Variants in RPAIN observed in about 807,000 individuals in gnomAD.
RPAIN encodes RPA interacting protein.
RPAIN carries 29 observed loss-of-function variants against 30.5 expected under a neutral mutation model. The observed-to-expected ratio is 0.95, with a 90% CI of 0.71 to 1.30. RPAIN has a LOEUF of 1.30. Ranked by LOEUF, RPAIN falls within the 50% of genes most tolerant of loss-of-function variation. RPAIN has a pLI of 0.00. For synonymous variants in RPAIN, 101 were observed against 93.5 expected (o/e 1.08, Z -0.46); for missense variants, 247 against 264.7 (o/e 0.93, Z 0.46).
chr17:5,428,328 G>A (rs1915604186), intron 6 of RPAIN, 117 bp downstream of exon 6: 1 of 1,557,222 alleles, frequency 6.4e-7, no homozygotes, highest in African/African-American at 1.4e-5. Flanking sequence ...TTTATTATCT[G>A]AGGAATTTAC....
At chr17:5,421,122 A>G (rs1162118855) in intron 1 of RPAIN, among the ~76,000 whole-genome samples, 174 bp from the exon 2 acceptor site, 2 of 152,278 alleles carry the variant, frequency 1.3e-5, no homozygotes, top group Admixed American at 1.3e-4. Context: ...TGTACAAAGC[A>G]TTGTAATTTT....
intron 6 of RPAIN, chr17:5,428,479 G>A: frequency 2.1e-6 from 3 of 1,418,352 alleles, no homozygotes; most frequent in Admixed American, 2.9e-5. Flanking sequence ...TCTTTGATCA[G>A]TAGTAGTGGT....
chr17:5,422,902 A>T, intron 3 of RPAIN, 73 bp downstream of exon 3: 1 of 1,242,970 alleles, frequency 8.0e-7, no homozygotes, highest in Non-Finnish European at 1.2e-6. Context: ...TCCAATCAGG[A>T]TTAGTTTATA....
rs1186618748 is a variant in RPAIN, at chr17:5,426,006, C to T, written c.349C>T (p.Gln117Ter). The change falls in exon 4 of 7, where the codon CAG (glutamine) becomes TAG (stop). Residue 117 changes from glutamine to a stop codon, truncating the protein, a stop_gained. Transcript: ENST00000381209. LOFTEE classifies it high-confidence loss of function. ...SIISEYEKSL[Q>*]FDEKCLSIML... ...CATCAGCGAGTATGAGAAGAGCTTG[C>T]AGTTTGATGAAAAGTGTCTCAGCAT... is the stretch of plus-strand genomic sequence containing the variant. 1.2e-6 allele frequency: 2 copies of T among 1,613,866 alleles called. No individual in the cohort carries two copies. Among genetic ancestry groups the T allele is most frequent in the Admixed American group, 3.3e-5 (2 of 59,980 alleles).
chr17:5,423,199 C>T (rs751499270), intron 3 of RPAIN: 21 of 174,394 alleles, frequency 1.2e-4, no homozygotes, highest in Non-Finnish European at 2.3e-4. Flanking sequence ...CTTCTACCAT[C>T]CTGCCTCTCT....
At chr17:5,427,901 A>T in intron 5 of RPAIN, 170 bp from the exon 6 acceptor site, 1 of 678,780 alleles carries the variant, frequency 1.5e-6, no homozygotes, top group Non-Finnish European at 2.6e-6. Flanking sequence ...AGTTAAATGG[A>T]GATGGGTTAA....
chr17:5,428,043 G>C, intron 5 of RPAIN, 28 bp from the exon 6 acceptor site: 1 of 1,612,640 alleles, frequency 6.2e-7, no homozygotes, highest in Non-Finnish European at 8.5e-7. Flanking sequence ...AAGTCACTGA[G>C]AGGAGGTTGA....
chr17:5,421,604 A>T, intron 2 of RPAIN, 138 bp downstream of exon 2: 1 of 682,738 alleles, frequency 1.5e-6, no homozygotes, highest in Non-Finnish European at 2.3e-6. Flanking sequence ...CCTTTAACCC[A>T]GGCTTTTCTA....
At chr17:5,428,465 CTCT>C (rs1445734257) in intron 6 of RPAIN, 27 of 1,431,018 alleles carry the variant, frequency 1.9e-5, no homozygotes, top group African/African-American at 4.3e-5. Context: ...TCCACACCTG[CTCT>C]TCTTTGATCA....
intron 6 of RPAIN, chr17:5,431,553 GA>G (rs34134819): frequency 0.28 from 125,996 of 454,694 alleles, 22,164 homozygotes; most frequent in East Asian, 0.8. Context: ...TCAACATTTG[GA>G]AAGGTAGACA....
rs2151660409 is a variant in RPAIN at position 5,422,762 on chromosome 17, C to T, written c.253-7C>T. On this transcript the variant is annotated splice_region_variant and splice_polypyrimidine_tract_variant and intron_variant, in intron 2 of 6. Transcript: ENST00000381209. ...CAAACTTCTGATGCCGCTCCTTTCT[C>T]TTCCAGCTGGAGGAGCTGATAGACA... The T allele has an allele frequency of 1.2e-6, 2 of 1,613,004 alleles. No homozygotes were observed. Among genetic ancestry groups the T allele is most frequent in the East Asian group, 2.2e-5 (1 of 44,844 alleles).
chr17:5,431,948 C>T (rs1046858046), intron 6 of RPAIN: 5 of 259,914 alleles, frequency 1.9e-5, no homozygotes, highest in African/African-American at 4.6e-5. Flanking sequence ...TCAAGGTCAT[C>T]GCCAAGGTCT....
chr17:5,431,119 T>C, intron 6 of RPAIN: 1 of 308,960 alleles, frequency 3.2e-6, no homozygotes, highest in Non-Finnish European at 6.2e-6. Context: ...GAGATCATAG[T>C]TGACAGTGCC....
At position 5,429,346 on chromosome 17, in the gene RPAIN, AGAG is replaced by A. The variant is rs572901983; in HGVS notation, c.630+1136_630+1138del. On this transcript the variant is annotated intron_variant, in intron 6 of 6. Coordinates refer to ENST00000381209, the MANE Select transcript of RPAIN (RefSeq NM_001033002.4). ...AGATCCCCACATAGAAGAACAAGGC[AGAG>A]AAGCAGGAAACTGGAGTATATACAA... 47 of 985,534 alleles carry A rather than the reference AGAG, an allele frequency of 4.8e-5. No homozygotes were observed. The African/African-American group carries it at 7.8e-4, about 16-fold the overall frequency. The allele number at this position is 985,534 out of a possible 1,614,324, so 61.0% of individuals were successfully genotyped here. A position where few individuals can be genotyped will look rare whatever the true frequency, so the allele number is the denominator to read the frequency against.
intron 3 of RPAIN, chr17:5,425,312 C>T (rs990221484): frequency 2.4e-5 from 11 of 455,414 alleles, no homozygotes; most frequent in African/African-American, 1.2e-4. Context: ...TCAGCAGGGT[C>T]GTCCTGGCAT....
Position 5,426,316 on chromosome 17 carries a change from C to T in RPAIN, c.489+17C>T. On this transcript the variant is annotated intron_variant, in intron 5 of 6. Coordinates refer to ENST00000381209, the MANE Select transcript of RPAIN (RefSeq NM_001033002.4). The stretch of plus-strand genomic sequence containing the variant: ...CCATCTCATGTGAGTGTTCCACACA[C>T]AGATTTCATGATACTTCTTCCCACA... 6.2e-7 allele frequency: 1 copy of T among 1,604,924 alleles called. No individual in the cohort carries two copies. The highest frequency in any genetic ancestry group is 8.5e-7 in the Non-Finnish European group (1 of 1,171,496).
chr17:5,424,547 A>G (rs937579819), intron 3 of RPAIN, among the ~76,000 whole-genome samples: 3 of 152,208 alleles, frequency 2.0e-5, no homozygotes, highest in South Asian at 2.1e-4. Flanking sequence ...AGAGCTTTCA[A>G]TAATCAACAG....
chr17:5,426,511 T>C (rs1042889230), intron 5 of RPAIN: 4 of 542,920 alleles, frequency 7.4e-6, no homozygotes, highest in Non-Finnish European at 1.3e-5. Context: ...TTTAGGGCCC[T>C]GGAGAGCCAT....
Position 5,424,666 on chromosome 17 carries a change from C to T in RPAIN, c.314-1305C>T, listed in dbSNP as rs542063472. Reference sequence around the variant, plus strand: ...CACCGACCAAAGCACTTAATTTCCCCGTGCCTCAGTTTCTTCACCTTTGAA... The same window carrying T: ...CACCGACCAAAGCACTTAATTTCCCTGTGCCTCAGTTTCTTCACCTTTGAA... On this transcript the variant is annotated intron_variant, in intron 3 of 6. Coordinates refer to ENST00000381209, the MANE Select transcript of RPAIN (RefSeq NM_001033002.4). Among the ~76,000 whole-genome samples the T allele has an allele frequency of 7.2e-5, 11 of 152,242 alleles. No homozygotes were observed. In the South Asian group the frequency reaches 1.9e-3, roughly 26 times the overall value.
Sources: gnomAD v4.1 joint callset for allele counts (sites outside exome capture counted in the v4.1 genomes callset) on GRCh38, gnomAD v4.1.1 for gene constraint, MANE v1.5 for transcripts, NCBI Gene and HGNC (gene_info 2026-07-23, HGNC 2026-07-21) for gene names.